The following TOX2 variants were observed in gnomAD, a reference collection of about 807,000 sequenced individuals.
TOX2 encodes granulosa cell HMG box 1.
Under a neutral mutation model 47.4 loss-of-function variants are expected in TOX2, and 15 were observed. That is an observed-to-expected ratio of 0.32 (90% CI 0.21 to 0.49). The LOEUF (loss-of-function observed/expected upper bound fraction) is 0.49, where lower values mean the gene tolerates loss of function less well. TOX2 is among the 20% of genes least tolerant of loss of function. TOX2 has a pLI of 0.99. For synonymous variants in TOX2, 290 were observed against 296.6 expected, an observed-to-expected ratio of 0.98 and a Z score of 0.23; for missense variants, 622 against 673.1, an observed-to-expected ratio of 0.92 and a Z score of 0.84.
intron 5 of TOX2, among the ~76,000 whole-genome samples, chr20:44,063,941 T>C (rs1451279907): frequency 6.6e-6 from 1 of 152,066 alleles, no homozygotes. Context: ...TTCTCATAAG[T>C]GGGAACTAAG....
intron 3 of TOX2, among the ~76,000 whole-genome samples, chr20:44,045,888 T>C (rs1305295448): frequency 1.3e-5 from 2 of 152,244 alleles, no homozygotes. Context: ...TACAGAGTTC[T>C]AAAGCTGATT....
chr20:44,057,841 ATTAGGCATCTCT>A (rs750606567), intron 5 of TOX2, among the ~76,000 whole-genome samples: 9 of 151,804 alleles, frequency 5.9e-5, no homozygotes, highest in Non-Finnish European at 1.3e-4. Context: ...ACTACAGTAA[ATTAGGCATCTCT>A]GCTTCTGGGA....
intron 3 of TOX2, chr20:44,039,019 G>C: frequency 8.2e-7 from 1 of 1,221,166 alleles, no homozygotes; most frequent in East Asian, 5.7e-5. Context: ...CAAGAGGGAA[G>C]CAGGAGGCTG....
At chr20:43,923,318 GTCT>G (rs148363080) in intron 1 of TOX2, among the ~76,000 whole-genome samples, 7,821 of 152,238 alleles carry the variant, frequency 0.051, 335 homozygotes, top group Admixed American at 0.16. Flanking sequence ...CTGTCTCTTG[GTCT>G]TCTGCTGATG....
intron 1 of TOX2, chr20:43,955,084 C>G: frequency 3.7e-6 from 1 of 267,374 alleles, no homozygotes; most frequent in Non-Finnish European, 5.8e-6. Context: ...GTAATCTTTA[C>G]TCACCCCACT....
At chr20:44,027,185 A>G (rs1043995047) in intron 3 of TOX2, among the ~76,000 whole-genome samples, 1 of 152,226 alleles carries the variant, frequency 6.6e-6, no homozygotes, top group Non-Finnish European at 1.5e-5. Flanking sequence ...CAAACTGCTC[A>G]GGATCAGCTT....
intron 1 of TOX2, among the ~76,000 whole-genome samples, chr20:43,956,556 C>CT (rs1216833258): frequency 4.3e-5 from 4 of 93,008 alleles, no homozygotes; most frequent in Non-Finnish European, 7.9e-5. Flanking sequence ...AAGGTTCTAT[C>CT]TTTAAAAAAA....
At chr20:43,987,673 C>T (rs1233428921) in intron 2 of TOX2, among the ~76,000 whole-genome samples, 3 of 152,180 alleles carry the variant, frequency 2.0e-5, no homozygotes, top group Non-Finnish European at 4.4e-5. Context: ...TAAATTCCCA[C>T]TGAGAGCATG....
chr20:43,998,721 A>ATCCGTCTG (rs1555837872), intron 2 of TOX2, among the ~76,000 whole-genome samples: 2 of 26,884 alleles, frequency 7.4e-5, no homozygotes, highest in South Asian at 1.8e-3. Flanking sequence ...GGCCTGATAC[A>ATCCGTCTG]TCTATCTATC....
At chr20:44,028,765 T>C (rs1379224608) in intron 3 of TOX2, among the ~76,000 whole-genome samples, 1 of 152,198 alleles carries the variant, frequency 6.6e-6, no homozygotes, top group Non-Finnish European at 1.5e-5. Flanking sequence ...CTCAGACCCC[T>C]TTTGAAATAG....
At chr20:43,919,355 G>T (rs1335001249) in intron 1 of TOX2, among the ~76,000 whole-genome samples, 1 of 152,176 alleles carries the variant, frequency 6.6e-6, no homozygotes, top group African/African-American at 2.4e-5. Flanking sequence ...ATGGGAATAT[G>T]ACTTTTGGAG....
chr20:44,005,431 C>T (rs948812426), intron 2 of TOX2, among the ~76,000 whole-genome samples: 5 of 152,176 alleles, frequency 3.3e-5, no homozygotes, highest in Non-Finnish European at 7.3e-5. Flanking sequence ...AATGACTCCT[C>T]AAGCTAAAGT....
chr20:44,051,802 C>T (rs1245093088), intron 4 of TOX2, among the ~76,000 whole-genome samples: 1 of 152,182 alleles, frequency 6.6e-6, no homozygotes, highest in East Asian at 1.9e-4. Context: ...AGGTGGAGCA[C>T]CTGGTCAGGG....
At chr20:44,051,696 G>A (rs1296025669) in intron 4 of TOX2, 151 bp downstream of exon 4, 30 of 1,245,492 alleles carry the variant, frequency 2.4e-5, no homozygotes, top group African/African-American at 3.1e-5. Flanking sequence ...CTGAGCAGGC[G>A]TTCCTGGTGG....
intron 2 of TOX2, among the ~76,000 whole-genome samples, chr20:43,982,974 A>T (rs1600706820): frequency 6.6e-6 from 1 of 151,678 alleles, no homozygotes. Flanking sequence ...TTGCAAGGGG[A>T]ATGACACTGC....
chr20:44,022,446 G>A (rs1041092145), intron 3 of TOX2, among the ~76,000 whole-genome samples: 3 of 152,210 alleles, frequency 2.0e-5, no homozygotes, highest in African/African-American at 7.2e-5. Context: ...AGCACTTTAC[G>A]TGTGAGCTGT....
Position 43,973,349 on chromosome 20 carries a change from CCTCT to C in TOX2, c.100-11_100-8del, listed in dbSNP as rs779976405. On this transcript the variant is annotated splice_polypyrimidine_tract_variant and intron_variant, in intron 1 of 8. Coordinates refer to ENST00000341197, the MANE Select transcript of TOX2 (RefSeq NM_001098797.2). ...AGCATTTTAATCAGAGCTGCTTCTC[CCTCT>C]CTCTCTATTCTAGTTTGATGGTGAC... is the stretch of plus-strand genomic sequence containing the variant. 4 of 1,613,022 alleles carry C rather than the reference CCTCT, an allele frequency of 2.5e-6. No homozygotes were observed. Among genetic ancestry groups the C allele is most frequent in the Admixed American group, 3.3e-5 (2 of 60,018 alleles).
chr20:43,939,629 G>A (rs369785260), intron 1 of TOX2, among the ~76,000 whole-genome samples: 2 of 152,172 alleles, frequency 1.3e-5, no homozygotes, highest in South Asian at 2.1e-4. Context: ...ATAAGCGAGG[G>A]TTCATTTGGT....
At chr20:43,940,635 G>A (rs1331359150) in intron 1 of TOX2, among the ~76,000 whole-genome samples, 1 of 152,046 alleles carries the variant, frequency 6.6e-6, no homozygotes, top group African/African-American at 2.4e-5. Context: ...GAGAGGCTGA[G>A]CCAGAGTCGC....
Sources: allele counts gnomAD v4.1 joint callset (sites outside exome capture counted in the v4.1 genomes callset), GRCh38; gene constraint gnomAD v4.1.1; transcripts MANE v1.5; gene names NCBI Gene and HGNC (gene_info 2026-07-23, HGNC 2026-07-21).